SYNDIG1: variants seen among roughly 807,000 people sequenced by gnomAD.
The protein encoded by SYNDIG1 is synapse differentiation-inducing gene protein 1.
A neutral mutation model predicts 19.4 loss-of-function variants in SYNDIG1; 9 were observed. That is an observed-to-expected ratio of 0.46 (90% confidence interval 0.28 to 0.81). The LOEUF (loss-of-function observed/expected upper bound fraction) is 0.81, where lower values mean the gene tolerates loss of function less well. Ranked by LOEUF, SYNDIG1 falls within the 30% of genes least tolerant of loss-of-function variation. SYNDIG1 has a pLI of 0.12. For missense variants in SYNDIG1, 311 were observed against 343.3 expected (o/e 0.91, Z 0.74); for synonymous variants, 141 against 145.9 (o/e 0.97, Z 0.24).
intron 3 of SYNDIG1, among the ~76,000 whole-genome samples, chr20:24,603,505 G>C (rs114419855): frequency 6.6e-6 from 1 of 152,108 alleles, no homozygotes; most frequent in African/African-American, 2.4e-5. Context: ...AATGACAGGC[G>C]TGCCCTGAGT....
chr20:24,517,682 GTATATATATATACACATATATATGTGTA>G (rs2056910509), intron 1 of SYNDIG1, among the ~76,000 whole-genome samples: 3 of 137,304 alleles, frequency 2.2e-5, no homozygotes, highest in Admixed American at 7.4e-5. Flanking sequence ...ATGTGTATAT[GTATATATATATACACATATATATGTGTA>G]TATATATGTG....
At chr20:24,519,977 CTCTT>C (rs2056971374) in intron 1 of SYNDIG1, among the ~76,000 whole-genome samples, 1 of 152,110 alleles carries the variant, frequency 6.6e-6, no homozygotes, top group Non-Finnish European at 1.5e-5. Flanking sequence ...GGCTCTTTCT[CTCTT>C]AGTTTATTTT....
chr20:24,555,120 A>G (rs1379506590), intron 2 of SYNDIG1, among the ~76,000 whole-genome samples: 2 of 152,070 alleles, frequency 1.3e-5, no homozygotes, highest in Non-Finnish European at 2.9e-5. Context: ...CTCTGATGGT[A>G]GTTTGTATTT....
At chr20:24,595,402 T>C (rs563296135) in intron 3 of SYNDIG1, among the ~76,000 whole-genome samples, 1 of 151,728 alleles carries the variant, frequency 6.6e-6, no homozygotes, top group African/African-American at 2.4e-5. Context: ...GTGCTTGTGG[T>C]TTTTGCTGAG....
At chr20:24,525,376 C>T (rs930810104) in intron 1 of SYNDIG1, among the ~76,000 whole-genome samples, 1 of 150,174 alleles carries the variant, frequency 6.7e-6, no homozygotes, top group Admixed American at 6.7e-5. Context: ...ACTGCAACCT[C>T]CACCTCCTGG....
At chr20:24,525,574 A>G (rs983626075) in intron 1 of SYNDIG1, among the ~76,000 whole-genome samples, 11 of 152,064 alleles carry the variant, frequency 7.2e-5, no homozygotes, top group African/African-American at 2.4e-4. Flanking sequence ...GTGAGCCACC[A>G]TGCCCAGCAT....
chr20:24,535,209 G>A (rs530772188), intron 1 of SYNDIG1, among the ~76,000 whole-genome samples: 18 of 152,232 alleles, frequency 1.2e-4, no homozygotes, highest in African/African-American at 2.9e-4. Flanking sequence ...GTTGTTTGCC[G>A]ATGTTTTCTG....
chr20:24,491,504 C>T (rs1443946860), intron 1 of SYNDIG1: 1 of 152,274 alleles, frequency 6.6e-6, no homozygotes, highest in Admixed American at 6.5e-5. Context: ...CACAGCTGCG[C>T]ACAGGGTGAG....
chr20:24,520,718 G>A (rs1023989700), intron 1 of SYNDIG1, among the ~76,000 whole-genome samples: 6 of 151,478 alleles, frequency 4.0e-5, no homozygotes, highest in East Asian at 1.9e-4. Flanking sequence ...ATTACAGTAA[G>A]TTCAAAGGTA....
chr20:24,600,087 G>A (rs140538373), intron 3 of SYNDIG1, among the ~76,000 whole-genome samples: 9 of 152,308 alleles, frequency 5.9e-5, no homozygotes, highest in Non-Finnish European at 8.8e-5. Context: ...ACAGTCATTT[G>A]TTGGAAGAAT....
intron 1 of SYNDIG1, among the ~76,000 whole-genome samples, chr20:24,523,989 C>G (rs1190241876): frequency 1.3e-5 from 2 of 152,176 alleles, no homozygotes; most frequent in Non-Finnish European, 2.9e-5. Context: ...GTTTTCACTG[C>G]CATTTGTTTC....
At chr20:24,518,692 A>G (rs2182433) in intron 1 of SYNDIG1, among the ~76,000 whole-genome samples, 2 of 152,240 alleles carry the variant, frequency 1.3e-5, no homozygotes, top group Admixed American at 6.5e-5. Context: ...GCTTCCTGCT[A>G]GTATTGATTC....
intron 3 of SYNDIG1, among the ~76,000 whole-genome samples, chr20:24,634,882 C>G (rs1467912424): frequency 6.6e-6 from 1 of 152,194 alleles, no homozygotes; most frequent in Non-Finnish European, 1.5e-5. Context: ...CAGGGCACTA[C>G]AGTCCAGTTC....
chr20:24,641,971 AAC>A (rs1359571943), intron 3 of SYNDIG1, among the ~76,000 whole-genome samples: 1 of 152,238 alleles, frequency 6.6e-6, no homozygotes, highest in Non-Finnish European at 1.5e-5. Context: ...AGCCACTGCT[AAC>A]ACATTATCAG....
chr20:24,485,542 A>C (rs2055932771), intron 1 of SYNDIG1, among the ~76,000 whole-genome samples: 1 of 152,226 alleles, frequency 6.6e-6, no homozygotes, highest in South Asian at 2.1e-4. Context: ...CTTATGCAGA[A>C]ATCAGTGGCA....
chr20:24,524,538 C>T (rs915818960), intron 1 of SYNDIG1, among the ~76,000 whole-genome samples: 4 of 151,684 alleles, frequency 2.6e-5, no homozygotes, highest in Non-Finnish European at 5.9e-5. Context: ...CCAGCTACCC[C>T]GGGAGGCTGA....
chr20:24,621,612 G>A (rs936942295), intron 3 of SYNDIG1, among the ~76,000 whole-genome samples: 12 of 152,142 alleles, frequency 7.9e-5, no homozygotes, highest in African/African-American at 2.9e-4. Context: ...TCTACCCTGG[G>A]AAGGGACAGA....
chr20:24,564,343 C>T (rs1314250814), intron 2 of SYNDIG1, among the ~76,000 whole-genome samples: 3 of 152,118 alleles, frequency 2.0e-5, no homozygotes, highest in African/African-American at 7.2e-5. Flanking sequence ...CAAAGGTGAG[C>T]CCAGCTTTTA....
chr20:24,633,096 T>C (rs776494915), intron 3 of SYNDIG1, among the ~76,000 whole-genome samples: 20 of 152,134 alleles, frequency 1.3e-4, no homozygotes, highest in Non-Finnish European at 1.9e-4. Flanking sequence ...GGGCAGACCG[T>C]GTCGAATCTG....
Sources: gnomAD v4.1 joint callset for allele counts (sites outside exome capture counted in the v4.1 genomes callset) on GRCh38, gnomAD v4.1.1 for gene constraint, MANE v1.5 for transcripts, NCBI Gene and HGNC (gene_info 2026-07-23, HGNC 2026-07-21) for gene names.